NELL1: variants seen among roughly 807,000 people sequenced by gnomAD.
NELL1 encodes the protein protein kinase C-binding protein NELL1.
NELL1 carries 76 observed loss-of-function variants against 107.4 expected under a neutral mutation model. The observed-to-expected ratio is 0.71, with a 90% CI of 0.59 to 0.86. The LOEUF (loss-of-function observed/expected upper bound fraction) is 0.86, where lower values mean the gene tolerates loss of function less well. Among genes scored for constraint, NELL1 ranks in the 40% least tolerant of loss-of-function variants. The pLI, the probability that NELL1 is intolerant of heterozygous loss-of-function variation, is 0.00. For missense variants in NELL1, 1,024 were observed against 1,005.5 expected (o/e 1.02, Z -0.25); for synonymous variants, 353 against 341.2 (o/e 1.03, Z -0.38).
At chr11:21,443,096 A>G (rs1853334481) in intron 15 of NELL1, among the ~76,000 whole-genome samples, 1 of 152,100 alleles carries the variant, frequency 6.6e-6, no homozygotes, top group African/African-American at 2.4e-5. Context: ...TCCAAGATCC[A>G]AGATTGACGG....
At chr11:21,323,552 C>A (rs921361449) in intron 14 of NELL1, among the ~76,000 whole-genome samples, 1 of 151,986 alleles carries the variant, frequency 6.6e-6, no homozygotes, top group Non-Finnish European at 1.5e-5. Flanking sequence ...CCACTTTAAC[C>A]AGGGTTATTT....
chr11:21,292,549 G>A (rs1208404155), intron 14 of NELL1, among the ~76,000 whole-genome samples: 1 of 152,092 alleles, frequency 6.6e-6, no homozygotes, highest in Non-Finnish European at 1.5e-5. Flanking sequence ...AGCTACCATT[G>A]ACTTTCTTCA....
chr11:20,824,628 G>A (rs1434179818), intron 3 of NELL1, among the ~76,000 whole-genome samples: 1 of 151,278 alleles, frequency 6.6e-6, no homozygotes, highest in African/African-American at 2.4e-5. Context: ...GGCTGGGATG[G>A]TCTCAAACAG....
intron 12 of NELL1, among the ~76,000 whole-genome samples, chr11:20,962,107 G>A (rs987735132): frequency 3.3e-5 from 5 of 151,748 alleles, no homozygotes; most frequent in African/African-American, 4.8e-5. Context: ...GTTTTAAGGA[G>A]ACATGTCACT....
intron 4 of NELL1, among the ~76,000 whole-genome samples, chr11:20,885,140 A>T (rs191755377): frequency 6.6e-6 from 1 of 152,208 alleles, no homozygotes; most frequent in African/African-American, 2.4e-5. Flanking sequence ...TTTCGCACCT[A>T]TAACATGCGT....
At chr11:20,970,366 T>C (rs964174605) in intron 12 of NELL1, among the ~76,000 whole-genome samples, 1 of 152,166 alleles carries the variant, frequency 6.6e-6, no homozygotes, top group Non-Finnish European at 1.5e-5. Context: ...TGACCATCTA[T>C]TGTGGCTGGG....
At chr11:20,670,781 G>T (rs2282662) in intron 1 of NELL1, 4,404 of 151,836 alleles carry the variant, frequency 0.029, 115 homozygotes, top group East Asian at 0.15. Context: ...GCCATCCTCC[G>T]TACGCGCTGC....
chr11:21,530,037 A>G, intron 15 of NELL1, among the ~76,000 whole-genome samples: 1 of 152,114 alleles, frequency 6.6e-6, no homozygotes, highest in African/African-American at 2.4e-5. Flanking sequence ...GAGGGCAGAG[A>G]CCTTATCTCT....
At chr11:20,987,209 TC>T (rs1292339282) in intron 12 of NELL1, among the ~76,000 whole-genome samples, 4 of 152,202 alleles carry the variant, frequency 2.6e-5, no homozygotes, top group Non-Finnish European at 5.9e-5. Flanking sequence ...TATTTCTTAT[TC>T]CCCCTTTGAA....
At chr11:20,838,194 T>C (rs919649018) in intron 3 of NELL1, among the ~76,000 whole-genome samples, 4 of 150,980 alleles carry the variant, frequency 2.6e-5, no homozygotes, top group Non-Finnish European at 5.9e-5. Context: ...ATGAGAAAAA[T>C]TAGACAAATC....
At chr11:21,404,400 G>A (rs1376092730) in intron 15 of NELL1, among the ~76,000 whole-genome samples, 1 of 151,890 alleles carries the variant, frequency 6.6e-6, no homozygotes, top group Non-Finnish European at 1.5e-5. Context: ...AGGAACTTTA[G>A]AGTATGTGGC....
intron 4 of NELL1, among the ~76,000 whole-genome samples, chr11:20,860,708 A>G (rs1184655387): frequency 1.3e-5 from 2 of 152,194 alleles, no homozygotes; most frequent in Admixed American, 6.5e-5. Flanking sequence ...TAATTTATAT[A>G]AGGCTTTTGG....
chr11:20,721,330 T>C (rs994565687), intron 2 of NELL1, among the ~76,000 whole-genome samples: 1 of 151,824 alleles, frequency 6.6e-6, no homozygotes, highest in Non-Finnish European at 1.5e-5. Flanking sequence ...GACTGGATGT[T>C]GTTGCAACAA....
chr11:20,962,068 G>GT (rs774391985), intron 12 of NELL1, among the ~76,000 whole-genome samples: 24 of 151,498 alleles, frequency 1.6e-4, no homozygotes, highest in Non-Finnish European at 2.9e-4. Flanking sequence ...ATTTTTCACT[G>GT]TTTTTTTGGC....
chr11:20,866,397 C>T (rs1849096798), intron 4 of NELL1, among the ~76,000 whole-genome samples: 3 of 152,168 alleles, frequency 2.0e-5, no homozygotes, highest in Non-Finnish European at 4.4e-5. Flanking sequence ...TAATTACAGA[C>T]AAATTATGTA....
At chr11:21,501,143 G>A (rs1275484198) in intron 15 of NELL1, among the ~76,000 whole-genome samples, 4 of 152,130 alleles carry the variant, frequency 2.6e-5, no homozygotes, top group Non-Finnish European at 5.9e-5. Flanking sequence ...GTCTTTAAAT[G>A]TGTCTGTATG....
At chr11:20,851,320 A>C (rs1441136660) in intron 4 of NELL1, among the ~76,000 whole-genome samples, 1 of 152,140 alleles carries the variant, frequency 6.6e-6, no homozygotes, top group Non-Finnish European at 1.5e-5. Flanking sequence ...TGCTACGGAG[A>C]CACTTTTCTC....
chr11:21,311,761 A>G (rs182590062), intron 14 of NELL1, among the ~76,000 whole-genome samples: 2 of 152,216 alleles, frequency 1.3e-5, no homozygotes, highest in Admixed American at 1.3e-4. Context: ...GCTACTTTAC[A>G]TATTGTCTCA....
intron 2 of NELL1, among the ~76,000 whole-genome samples, chr11:20,774,658 GGTTCAGGGAAT>G (rs1856713938): frequency 1.3e-5 from 2 of 152,138 alleles, no homozygotes; most frequent in African/African-American, 4.8e-5. Context: ...CCACAGTGCT[GGTTCAGGGAAT>G]GCTCAGTAAG....
Sources: gnomAD v4.1 joint callset for allele counts (sites outside exome capture counted in the v4.1 genomes callset) on GRCh38, gnomAD v4.1.1 for gene constraint, MANE v1.5 for transcripts, NCBI Gene and HGNC (gene_info 2026-07-23, HGNC 2026-07-21) for gene names.